The following TRIP4 variants were observed in gnomAD, a reference collection of about 807,000 sequenced individuals.
TRIP4 encodes thyroid hormone receptor interactor 4.
A neutral mutation model predicts 81.8 loss-of-function variants in TRIP4; 54 were observed. The ratio of observed to expected loss-of-function variants is 0.66; its 90% CI spans 0.53 to 0.83. The LOEUF (loss-of-function observed/expected upper bound fraction) is 0.83, where lower values mean the gene tolerates loss of function less well. Ranked by LOEUF, TRIP4 falls within the 40% of genes least tolerant of loss-of-function variation. The pLI is 0.00. For missense variants in TRIP4, 662 were observed against 683.6 expected, an observed-to-expected ratio of 0.97 and a Z score of 0.35; for synonymous variants, 270 against 242.8, an observed-to-expected ratio of 1.11 and a Z score of -1.04.
chr15:64,431,087 T>C (rs1398325275), intron 11 of TRIP4, among the ~76,000 whole-genome samples: 1 of 152,198 alleles, frequency 6.6e-6, no homozygotes, highest in Non-Finnish European at 1.5e-5. Context: ...GAATTGTCTG[T>C]GAGTCTGAGA....
intron 11 of TRIP4, among the ~76,000 whole-genome samples, chr15:64,430,788 TTA>T (rs1442133629): frequency 6.6e-6 from 1 of 152,170 alleles, no homozygotes; most frequent in Non-Finnish European, 1.5e-5. Context: ...CTTACAGCTT[TTA>T]CAATAGCCAA....
Position 64,414,083 on chromosome 15 carries a change from A to C in TRIP4, c.1044-2A>C, listed in dbSNP as rs1891832401. 1 of 1,613,480 alleles carries C rather than the reference A, an allele frequency of 6.2e-7. No individual in the cohort carries two copies. Among genetic ancestry groups the C allele is most frequent in the African/African-American group, 1.3e-5 (1 of 74,876 alleles). On this transcript the variant is annotated splice_acceptor_variant, in intron 7 of 12. Transcript: ENST00000261884. LOFTEE classifies it high-confidence loss of function. Reference sequence around the variant, plus strand: ...TTGCATCCTTTTGGTTTATTATCACAGACTAGATGAGACAATACAGGCCAT... The same window carrying C: ...TTGCATCCTTTTGGTTTATTATCACCGACTAGATGAGACAATACAGGCCAT...
At chr15:64,430,670 T>C (rs1238116462) in intron 11 of TRIP4, among the ~76,000 whole-genome samples, 1 of 152,232 alleles carries the variant, frequency 6.6e-6, no homozygotes, top group Non-Finnish European at 1.5e-5. Context: ...CTGCCTTCAA[T>C]AGAAAATCTG....
chr15:64,406,079 G>T (rs559280415), intron 5 of TRIP4, among the ~76,000 whole-genome samples: 2 of 152,256 alleles, frequency 1.3e-5, no homozygotes, highest in East Asian at 3.9e-4. Flanking sequence ...ATACTTTGGT[G>T]CCCTTAGTGA....
chr15:64,423,106 T>G (rs955750926), intron 9 of TRIP4, among the ~76,000 whole-genome samples: 2 of 152,202 alleles, frequency 1.3e-5, no homozygotes, highest in African/African-American at 4.8e-5. Flanking sequence ...TTATTCTCTT[T>G]AGAGGTTTTT....
At chr15:64,448,609 A>T (rs1892685411) in intron 12 of TRIP4, among the ~76,000 whole-genome samples, 3 of 152,058 alleles carry the variant, frequency 2.0e-5, no homozygotes, top group Admixed American at 1.3e-4. Flanking sequence ...GACCACAGGC[A>T]CGCGCCTCCA....
intron 1 of TRIP4, among the ~76,000 whole-genome samples, chr15:64,390,237 G>A (rs1900083659): frequency 6.6e-6 from 1 of 151,178 alleles, no homozygotes; most frequent in Admixed American, 6.6e-5. Flanking sequence ...CGAGGCAGAT[G>A]GATCATTTGA....
intron 11 of TRIP4, among the ~76,000 whole-genome samples, chr15:64,442,343 T>G (rs1177679159): frequency 6.6e-6 from 1 of 152,154 alleles, no homozygotes; most frequent in East Asian, 1.9e-4. Flanking sequence ...GCCATTGAAG[T>G]CTTAAGAAAT....
In TRIP4 at chr15:64,389,708, C is replaced by CTT. The variant is rs368526429; in HGVS notation, c.101+1763_101+1764dup. ...TACGAATATAAGTTCAAAATTTTCA[C>CTT]TTTTTTTTTTTTTTTTTTTTGAGAC... On this transcript the variant is annotated intron_variant, in intron 1 of 12. Coordinates refer to ENST00000261884, the MANE Select transcript of TRIP4 (RefSeq NM_016213.5). Among the ~76,000 whole-genome samples, 54 of 127,252 alleles carry CTT rather than the reference C, an allele frequency of 4.2e-4. 1 individual carries two copies. Among genetic ancestry groups the CTT allele is most frequent in the South Asian group, 1.0e-3 (4 of 3,870 alleles). 83.5% of individuals were successfully genotyped at this position (127,252 alleles called of 152,430 possible).
intron 11 of TRIP4, 48 bp from the exon 12 acceptor site, chr15:64,444,958 C>A: frequency 9.7e-7 from 1 of 1,034,520 alleles, no homozygotes; most frequent in Non-Finnish European, 1.5e-6. Context: ...TCCTTAAATT[C>A]AAAGCTTGTC....
intron 7 of TRIP4, 124 bp from the exon 8 acceptor site, chr15:64,413,961 G>T (rs1891829293): frequency 1.2e-5 from 13 of 1,046,836 alleles, no homozygotes; most frequent in South Asian, 1.8e-5. Flanking sequence ...GAGTAGGGAA[G>T]GTCATCCATA....
In TRIP4 at chr15:64,432,784, G is replaced by A. The variant is rs547827455; in HGVS notation, c.1575+7153G>A. Reference sequence around the variant, plus strand: ...AAATTAGCTGGGCGTCGTGGCATGCGCCTGTAATCCCAGCTACTCGGGAGG... The same window carrying A: ...AAATTAGCTGGGCGTCGTGGCATGCACCTGTAATCCCAGCTACTCGGGAGG... On this transcript the variant is annotated intron_variant, in intron 11 of 12. Coordinates refer to ENST00000261884, the MANE Select transcript of TRIP4 (RefSeq NM_016213.5). Among the ~76,000 whole-genome samples, 54 of 146,372 alleles carry A rather than the reference G, an allele frequency of 3.7e-4. 1 individual carries two copies. In the South Asian group the frequency reaches 4.6e-3, roughly 12 times the overall value.
At chr15:64,426,208 G>C (rs1892139678) in intron 11 of TRIP4, among the ~76,000 whole-genome samples, 1 of 152,096 alleles carries the variant, frequency 6.6e-6, no homozygotes, top group Non-Finnish European at 1.5e-5. Flanking sequence ...ATTGGGGGGT[G>C]GGAATACTAG....
At chr15:64,435,210 T>A (rs1892362788) in intron 11 of TRIP4, among the ~76,000 whole-genome samples, 1 of 49,832 alleles carries the variant, frequency 2.0e-5, no homozygotes. Context: ...TGAGACCCCA[T>A]CTCAAAAAAA....
intron 7 of TRIP4, 60 bp downstream of exon 7, chr15:64,409,888 T>A: frequency 1.3e-6 from 2 of 1,483,140 alleles, no homozygotes; most frequent in Non-Finnish European, 1.9e-6. Flanking sequence ...TAAAGGATTT[T>A]CCCTTTCTAG....
At chr15:64,454,473 T>C (rs1282333368) in intron 12 of TRIP4, among the ~76,000 whole-genome samples, 1 of 152,166 alleles carries the variant, frequency 6.6e-6, no homozygotes, top group Non-Finnish European at 1.5e-5. Flanking sequence ...CCTTCTTAGC[T>C]GGTGATAGGG....
intron 11 of TRIP4, among the ~76,000 whole-genome samples, chr15:64,435,175 G>A (rs1892362103): frequency 7.8e-6 from 1 of 128,314 alleles, no homozygotes; most frequent in Admixed American, 9.6e-5. Flanking sequence ...GATTGCATCA[G>A]TGCACTCCAG....
At chr15:64,390,881 C>T (rs367705705) in intron 1 of TRIP4, among the ~76,000 whole-genome samples, 5 of 149,518 alleles carry the variant, frequency 3.3e-5, no homozygotes, top group African/African-American at 9.9e-5. Flanking sequence ...GGCGACAGAG[C>T]GAGACTCCGT....
Position 64,455,272 on chromosome 15 carries a change from A to G in TRIP4, c.*208A>G, listed in dbSNP as rs1357507646. ...TAATGGGGTCGAAATCTTTGAACAC[A>G]TTATTTATAAAAACCTGTTTAAAAA... is the stretch of plus-strand genomic sequence containing the variant. On this transcript the variant is annotated 3_prime_UTR_variant, in exon 13 of 13. Coordinates refer to ENST00000261884, the MANE Select transcript of TRIP4 (RefSeq NM_016213.5). 7.1e-6 allele frequency: 3 copies of G among 422,296 alleles called. No individual in the cohort carries two copies. Among genetic ancestry groups the G allele is most frequent in the East Asian group, 3.5e-5 (1 of 28,356 alleles). 26.2% of individuals were successfully genotyped at this position (422,296 alleles called of 1,614,324 possible). A position where few individuals can be genotyped will look rare whatever the true frequency, so the allele number is the denominator to read the frequency against.
Sources: gnomAD v4.1 joint callset for allele counts (sites outside exome capture counted in the v4.1 genomes callset) on GRCh38, gnomAD v4.1.1 for gene constraint, MANE v1.5 for transcripts, NCBI Gene and HGNC (gene_info 2026-07-23, HGNC 2026-07-21) for gene names.